The following SNTG2 variants were observed in gnomAD, a reference collection of about 807,000 sequenced individuals.
SNTG2 encodes the protein syntrophin gamma 2.
In SNTG2, 74 loss-of-function variants were observed where a neutral mutation model predicts 70.9. That is an observed-to-expected ratio of 1.04 (90% CI 0.86 to 1.27). The LOEUF (loss-of-function observed/expected upper bound fraction) is 1.27, where lower values mean the gene tolerates loss of function less well. Ranked by LOEUF, SNTG2 falls within the 50% of genes most tolerant of loss-of-function variation. SNTG2 has a pLI of 0.00. For synonymous variants in SNTG2, 278 were observed against 273.8 expected (o/e 1.02, Z -0.15); for missense variants, 717 against 690.7 (o/e 1.04, Z -0.43).
At chr2:998,383 A>G (rs1364636142) in intron 1 of SNTG2, among the ~76,000 whole-genome samples, 1 of 151,768 alleles carries the variant, frequency 6.6e-6, no homozygotes, top group Non-Finnish European at 1.5e-5. Context: ...AAGTTGAAAA[A>G]CAACAGAAAG....
intron 16 of SNTG2, among the ~76,000 whole-genome samples, chr2:1,349,821 G>T (rs768578087): frequency 6.6e-6 from 1 of 152,136 alleles, no homozygotes; most frequent in African/African-American, 2.4e-5. Flanking sequence ...TTTGTTCATC[G>T]TGAACCTGGG....
intron 8 of SNTG2, among the ~76,000 whole-genome samples, chr2:1,194,790 C>T (rs1672804183): frequency 6.6e-6 from 1 of 152,100 alleles, no homozygotes; most frequent in African/African-American, 2.4e-5. Context: ...AGTTTTGTTA[C>T]ATAGGTATAC....
chr2:1,195,742 C>G (rs996681676), intron 8 of SNTG2, among the ~76,000 whole-genome samples: 3 of 152,164 alleles, frequency 2.0e-5, no homozygotes, highest in Non-Finnish European at 4.4e-5. Context: ...TCCCATTTGT[C>G]TATTTTGGCT....
chr2:992,189 G>A (rs1661520072), intron 1 of SNTG2, among the ~76,000 whole-genome samples: 1 of 152,018 alleles, frequency 6.6e-6, no homozygotes. Flanking sequence ...TGATTATTTT[G>A]TAAAGCAAAA....
chr2:1,165,587 A>G lies in SNTG2; in HGVS notation c.451A>G (p.Thr151Ala), dbSNP rs764078420. 1.7e-5 allele frequency: 27 copies of G among 1,612,980 alleles called. 1 individual carries two copies. The South Asian group carries it at 2.9e-4, about 17-fold the overall frequency. The change falls in exon 7 of 17, where the codon ACC (threonine) becomes GCC (alanine). Residue 151 changes from threonine to alanine, a missense_variant. Physicochemically the swap from Thr to Ala is moderately conservative, Grantham distance 58. Transcript: ENST00000308624. ...LRNAGDEVTI[T>A]VEYLREAPAF... ...AAATGCTGGCGATGAAGTTACCATC[A>G]CCGTTGAGTATCTCAGGGAAGCGCC...
chr2:1,256,442 C>G (rs1222574919), intron 12 of SNTG2: 1 of 152,158 alleles, frequency 6.6e-6, no homozygotes. Context: ...CTACGCAGAA[C>G]CTAACCAACA....
chr2:1,289,834 C>T (rs1295540609), intron 14 of SNTG2, among the ~76,000 whole-genome samples: 2 of 152,164 alleles, frequency 1.3e-5, no homozygotes, highest in African/African-American at 2.4e-5. Context: ...TTCCACTCCC[C>T]GTCTCTATGA....
chr2:1,230,645 G>T (rs1332170449), intron 9 of SNTG2, among the ~76,000 whole-genome samples: 2 of 152,208 alleles, frequency 1.3e-5, no homozygotes, highest in Non-Finnish European at 2.9e-5. Flanking sequence ...TGTGGGCAGC[G>T]CAGTGCCCAG....
intron 4 of SNTG2, among the ~76,000 whole-genome samples, chr2:1,100,951 C>A (rs1463217509): frequency 8.0e-6 from 1 of 125,640 alleles, no homozygotes; most frequent in Non-Finnish European, 2.0e-5. Flanking sequence ...GGGGTTGTAG[C>A]CCGTGTGCCC....
intron 9 of SNTG2, among the ~76,000 whole-genome samples, chr2:1,221,461 CTCTG>C (rs1381161278): frequency 1.1e-4 from 11 of 102,586 alleles, no homozygotes; most frequent in East Asian, 4.5e-4. Flanking sequence ...CTCTCTCTGT[CTCTG>C]TCTCTCTGTC....
In SNTG2 at chr2:1,000,116, C is replaced by G. The variant is rs528468084; in HGVS notation, c.72+49048C>G. ...ATGGAGCTACAACATACCAAAATAT[C>G]TGGGATACAGAAAAATAAGTGCTGA... On this transcript the variant is annotated intron_variant, in intron 1 of 16. Transcript: ENST00000308624. Among the ~76,000 whole-genome samples, 149 of 151,834 alleles carry G rather than the reference C, an allele frequency of 9.8e-4. 2 individuals are homozygous for G. Among genetic ancestry groups the G allele is most frequent in the African/African-American group, 3.0e-3 (123 of 41,480 alleles).
chr2:1,056,018 C>T (rs994638532), intron 1 of SNTG2, among the ~76,000 whole-genome samples: 67 of 151,986 alleles, frequency 4.4e-4, no homozygotes, highest in Admixed American at 9.2e-4. Context: ...ATCTCTCAGA[C>T]GGCTCCTTGT....
At chr2:1,067,035 C>T (rs957923601) in intron 1 of SNTG2, among the ~76,000 whole-genome samples, 3 of 152,006 alleles carry the variant, frequency 2.0e-5, no homozygotes, top group African/African-American at 4.8e-5. Context: ...CTCTCCTTTA[C>T]GACCCATTTT....
intron 1 of SNTG2, among the ~76,000 whole-genome samples, chr2:1,001,797 T>C (rs1659402917): frequency 6.6e-6 from 1 of 151,960 alleles, no homozygotes; most frequent in African/African-American, 2.4e-5. Flanking sequence ...AAAAAGAGGC[T>C]GAATAGCCAA....
intron 14 of SNTG2, among the ~76,000 whole-genome samples, chr2:1,283,841 G>A (rs994084698): frequency 6.6e-6 from 1 of 152,124 alleles, no homozygotes; most frequent in African/African-American, 2.4e-5. Context: ...TAACTACCTG[G>A]GGAATAAACA....
intron 1 of SNTG2, among the ~76,000 whole-genome samples, chr2:968,927 G>C (rs972175569): frequency 2.0e-4 from 31 of 152,170 alleles, no homozygotes; most frequent in African/African-American, 7.5e-4. Flanking sequence ...TGGAGTCTTT[G>C]TTACGAAGTC....
At chr2:1,257,259 G>A (rs1349116181) in intron 12 of SNTG2, among the ~76,000 whole-genome samples, 3 of 152,134 alleles carry the variant, frequency 2.0e-5, no homozygotes, top group Non-Finnish European at 2.9e-5. Context: ...GTCTGCGATC[G>A]AGGCACATTC....
At chr2:1,328,138 G>T (rs1681831758) in intron 16 of SNTG2, among the ~76,000 whole-genome samples, 1 of 152,024 alleles carries the variant, frequency 6.6e-6, no homozygotes, top group Admixed American at 6.6e-5. Context: ...GCACTAGGGG[G>T]ATGGTGCTGA....
intron 15 of SNTG2, 106 bp from the exon 16 acceptor site, chr2:1,316,159 A>C (rs1482469323): frequency 3.4e-6 from 2 of 596,842 alleles, no homozygotes; most frequent in Non-Finnish European, 6.0e-6. Flanking sequence ...TTAAACATTA[A>C]GTGAATGTCT....
Sources: allele counts gnomAD v4.1 joint callset (sites outside exome capture counted in the v4.1 genomes callset), GRCh38; gene constraint gnomAD v4.1.1; transcripts MANE v1.5; gene names NCBI Gene and HGNC (gene_info 2026-07-23, HGNC 2026-07-21).